The following SLC2A13 variants were observed in gnomAD, a reference collection of about 807,000 sequenced individuals.
SLC2A13 encodes the protein proton myo-inositol cotransporter.
SLC2A13 carries 32 observed loss-of-function variants against 64.4 expected under a neutral mutation model. The ratio of observed to expected loss-of-function variants is 0.50; its 90% CI spans 0.37 to 0.67. SLC2A13 has a LOEUF of 0.67. SLC2A13 is among the 30% of genes least tolerant of loss of function. The pLI, the probability that SLC2A13 is intolerant of heterozygous loss-of-function variation, is 0.00. For missense variants in SLC2A13, 743 were observed against 829.2 expected (o/e 0.90, Z 1.28); for synonymous variants, 338 against 327.1 (o/e 1.03, Z -0.36).
chr12:39,922,067 T>C (rs1386949632), intron 4 of SLC2A13, among the ~76,000 whole-genome samples: 1 of 152,158 alleles, frequency 6.6e-6, no homozygotes, highest in Non-Finnish European at 1.5e-5. Flanking sequence ...CGATTTATAT[T>C]ATGTATGTCT....
chr12:39,758,346 C>G lies in SLC2A13; in HGVS notation c.*1680G>C, dbSNP rs184849897. 139 of 151,836 alleles carry G rather than the reference C, an allele frequency of 9.2e-4. 2 individuals are homozygous for G. The highest frequency in any genetic ancestry group is 8.3e-3 in the Admixed American group (126 of 15,212). The allele number at this position is 151,836 out of a possible 1,614,324, so 9.4% of individuals were successfully genotyped here. A position where few individuals can be genotyped will look rare whatever the true frequency, so the allele number is the denominator to read the frequency against. Reference sequence around the variant, plus strand: ...CTCAGCTTGATAACTGTGATAGGAACAAGCCAGACATTAAAAGAATAGAGT... The same window carrying G: ...CTCAGCTTGATAACTGTGATAGGAAGAAGCCAGACATTAAAAGAATAGAGT... On this transcript the variant is annotated 3_prime_UTR_variant, in exon 10 of 10. Coordinates refer to ENST00000280871, the MANE Select transcript of SLC2A13 (RefSeq NM_052885.4).
chr12:39,856,659 G>A (rs7959259), intron 6 of SLC2A13, among the ~76,000 whole-genome samples: 94,044 of 152,042 alleles, frequency 0.62, 29,285 homozygotes, highest in East Asian at 0.76. Context: ...GAGCCACTGC[G>A]CCCAGCCCCT....
At chr12:39,833,829 A>G (rs1326221685) in intron 6 of SLC2A13, among the ~76,000 whole-genome samples, 1 of 151,558 alleles carries the variant, frequency 6.6e-6, no homozygotes, top group Non-Finnish European at 1.5e-5. Context: ...GCTGCTCCAT[A>G]ATATGGCACC....
chr12:39,858,659 T>G (rs958013834), intron 6 of SLC2A13, among the ~76,000 whole-genome samples: 2 of 152,156 alleles, frequency 1.3e-5, no homozygotes, highest in African/African-American at 4.8e-5. Context: ...TGGGCTGGAG[T>G]GCAATGGCAC....
chr12:39,832,120 A>G (rs1942869144), intron 6 of SLC2A13, among the ~76,000 whole-genome samples: 1 of 152,176 alleles, frequency 6.6e-6, no homozygotes, highest in African/African-American at 2.4e-5. Flanking sequence ...CTGAGAGGTG[A>G]TTCAGCAATG....
chr12:39,802,009 A>C (rs1267994476), intron 7 of SLC2A13, among the ~76,000 whole-genome samples: 2 of 152,214 alleles, frequency 1.3e-5, no homozygotes, highest in Admixed American at 6.5e-5. Flanking sequence ...AAGTAAGCAA[A>C]GAATTTCACA....
intron 3 of SLC2A13, among the ~76,000 whole-genome samples, chr12:39,988,374 A>G (rs1351067620): frequency 6.6e-6 from 1 of 151,962 alleles, no homozygotes. Flanking sequence ...ATATTACTTT[A>G]ACTGGTGGAA....
intron 7 of SLC2A13, among the ~76,000 whole-genome samples, chr12:39,794,123 CAAAAAAA>C (rs36179669): frequency 2.6e-5 from 2 of 78,370 alleles, no homozygotes; most frequent in Non-Finnish European, 4.7e-5. Flanking sequence ...GGCCAAATTG[CAAAAAAA>C]AAAAAAAAAA....
intron 1 of SLC2A13, among the ~76,000 whole-genome samples, chr12:40,077,405 G>A (rs1364994141): frequency 3.3e-5 from 5 of 152,284 alleles, no homozygotes; most frequent in Admixed American, 2.0e-4. Flanking sequence ...TTATTAAATA[G>A]GTAATCCTTT....
intron 2 of SLC2A13, among the ~76,000 whole-genome samples, chr12:40,042,848 G>A (rs1948110744): frequency 6.6e-6 from 1 of 151,238 alleles, no homozygotes; most frequent in Admixed American, 6.6e-5. Context: ...AAAAGACAAA[G>A]GAACAGAGTT....
chr12:39,949,407 A>G (rs1039171209), intron 4 of SLC2A13: 6 of 152,246 alleles, frequency 3.9e-5, no homozygotes, highest in African/African-American at 1.4e-4. Flanking sequence ...TGTGCAGTTT[A>G]TGATAAGCAA....
At chr12:39,809,170 C>T (rs898644149) in intron 7 of SLC2A13, among the ~76,000 whole-genome samples, 9 of 152,132 alleles carry the variant, frequency 5.9e-5, no homozygotes, top group African/African-American at 1.9e-4. Flanking sequence ...GTTGAAAAGA[C>T]TATTCTTTCC....
At chr12:39,821,262 T>C (rs2135827077) in intron 7 of SLC2A13, among the ~76,000 whole-genome samples, 1 of 152,070 alleles carries the variant, frequency 6.6e-6, no homozygotes, top group East Asian at 1.9e-4. Context: ...ATACAAAAAT[T>C]AGCCGGGCGT....
intron 1 of SLC2A13, among the ~76,000 whole-genome samples, chr12:40,076,794 A>G (rs912435363): frequency 6.6e-6 from 1 of 152,074 alleles, no homozygotes; most frequent in African/African-American, 2.4e-5. Context: ...CCTTTTCTCC[A>G]CAGCCTCTCC....
intron 4 of SLC2A13, among the ~76,000 whole-genome samples, chr12:39,899,349 C>T (rs151267909): frequency 0.024 from 3,649 of 152,114 alleles, 124 homozygotes; most frequent in African/African-American, 0.082. Flanking sequence ...ATTTTTATTG[C>T]ATCTATTTGA....
chr12:39,862,471 C>T (rs1275435548), intron 6 of SLC2A13, among the ~76,000 whole-genome samples: 3 of 152,172 alleles, frequency 2.0e-5, no homozygotes, highest in Non-Finnish European at 4.4e-5. Context: ...AACCATATCA[C>T]TTTCTAAAAT....
At position 39,759,376 on chromosome 12, in the gene SLC2A13, T is replaced by C. The variant is rs1940056167; in HGVS notation, c.*650A>G. 1 of 152,268 alleles carries C rather than the reference T, an allele frequency of 6.6e-6. No individual in the cohort carries two copies. Among genetic ancestry groups the C allele is most frequent in the Non-Finnish European group, 1.5e-5 (1 of 67,950 alleles). 9.4% of individuals were successfully genotyped at this position (152,268 alleles called of 1,614,324 possible). A position where few individuals can be genotyped will look rare whatever the true frequency, so the allele number is the denominator to read the frequency against. ...AACAACCCGACAGATTATATTTTCA[T>C]AATGTTCAAAAGATAGTGTGCAGAG... On this transcript the variant is annotated 3_prime_UTR_variant, in exon 10 of 10. Transcript: ENST00000280871.
chr12:39,959,530 G>A (rs1044884476), intron 3 of SLC2A13, among the ~76,000 whole-genome samples: 1 of 152,162 alleles, frequency 6.6e-6, no homozygotes, highest in African/African-American at 2.4e-5. Context: ...GATGATTATA[G>A]GTCTTAATAC....
intron 3 of SLC2A13, among the ~76,000 whole-genome samples, chr12:40,025,919 T>C (rs1300317108): frequency 6.6e-6 from 1 of 152,142 alleles, no homozygotes. Flanking sequence ...GACAAGACCA[T>C]GTCAGTTTGT....
Sources: allele counts gnomAD v4.1 joint callset (sites outside exome capture counted in the v4.1 genomes callset), GRCh38; gene constraint gnomAD v4.1.1; transcripts MANE v1.5; gene names NCBI Gene and HGNC (gene_info 2026-07-23, HGNC 2026-07-21).